The following PLA2G4C variants were observed in gnomAD, a reference collection of about 807,000 sequenced individuals.
The protein encoded by PLA2G4C is phospholipase A2 group IVC.
Under a neutral mutation model 73.8 loss-of-function variants are expected in PLA2G4C, and 64 were observed. That is an observed-to-expected ratio of 0.87 (90% CI 0.71 to 1.07). The LOEUF is 1.07. Among genes scored for constraint, PLA2G4C ranks in the 50% least tolerant of loss-of-function variants. PLA2G4C has a pLI of 0.00. For synonymous variants in PLA2G4C, 254 were observed against 252.1 expected (o/e 1.01, Z -0.07); for missense variants, 622 against 665.4 (o/e 0.93, Z 0.72).
intron 13 of PLA2G4C, among the ~76,000 whole-genome samples, chr19:48,062,635 A>G (rs563186526): frequency 1.3e-4 from 20 of 151,986 alleles, no homozygotes; most frequent in Non-Finnish European, 2.6e-4. Flanking sequence ...TAAACAGACA[A>G]ACACATGTTG....
At chr19:48,085,211 G>T in intron 9 of PLA2G4C, 99 bp from the exon 10 acceptor site, 1 of 803,262 alleles carries the variant, frequency 1.2e-6, no homozygotes, top group Non-Finnish European at 2.2e-6. Context: ...GCACTGCAGG[G>T]ATCTGCAGCA....
intron 14 of PLA2G4C, among the ~76,000 whole-genome samples, chr19:48,060,673 T>G (rs939874170): frequency 6.6e-6 from 1 of 152,154 alleles, no homozygotes; most frequent in Non-Finnish European, 1.5e-5. Flanking sequence ...TCCCAAGACC[T>G]TGATATCTCA....
At chr19:48,057,923 G>A (rs1968019048) in intron 14 of PLA2G4C, among the ~76,000 whole-genome samples, 1 of 151,814 alleles carries the variant, frequency 6.6e-6, no homozygotes, top group African/African-American at 2.4e-5. Flanking sequence ...GCAGCCTCAA[G>A]CTCCTAGACT....
At chr19:48,071,287 C>A (rs1963390) in intron 12 of PLA2G4C, among the ~76,000 whole-genome samples, 69,184 of 140,710 alleles carry the variant, frequency 0.49, 15,923 homozygotes, top group East Asian at 0.55. Context: ...CCTGAGGACT[C>A]CATACTTCTT....
At chr19:48,107,246 A>G (rs1210301092) in intron 1 of PLA2G4C, among the ~76,000 whole-genome samples, 1 of 152,218 alleles carries the variant, frequency 6.6e-6, no homozygotes, top group African/African-American at 2.4e-5. Flanking sequence ...CTATCTTTGT[A>G]TAGCTGAGTC....
At chr19:48,102,737 T>C (rs55803324) in intron 4 of PLA2G4C, among the ~76,000 whole-genome samples, 2,156 of 152,290 alleles carry the variant, frequency 0.014, 55 homozygotes, top group African/African-American at 0.048. Flanking sequence ...TGCTCTCATT[T>C]TCCTGCCTGT....
Position 48,085,115 on chromosome 19 carries a change from G to T in PLA2G4C, c.791-3C>A, listed in dbSNP as rs745796608. The T allele has an allele frequency of 6.2e-7, 1 of 1,606,184 alleles. No homozygotes were observed. The highest frequency in any genetic ancestry group is 1.1e-5 in the South Asian group (1 of 90,888). On this transcript the variant is annotated splice_polypyrimidine_tract_variant and splice_region_variant and intron_variant, in intron 9 of 16. Transcript: ENST00000599921. ...AGCAACAGCCCTTCTCCATAAACCT[G>T]CCAAGAAAATAGCAATAAAATTCAA...
At chr19:48,079,019 C>A (rs1311097281) in intron 10 of PLA2G4C, among the ~76,000 whole-genome samples, 1 of 152,118 alleles carries the variant, frequency 6.6e-6, no homozygotes, top group East Asian at 1.9e-4. Context: ...CAGGCGCATG[C>A]ACCATGCCTG....
At chr19:48,063,236 G>T (rs542894905) in intron 13 of PLA2G4C, among the ~76,000 whole-genome samples, 44 of 152,208 alleles carry the variant, frequency 2.9e-4, no homozygotes, top group South Asian at 2.3e-3. Flanking sequence ...TAGAGACAAG[G>T]TTTCCCCATC....
chr19:48,089,046 C>T (rs183582685), intron 8 of PLA2G4C, among the ~76,000 whole-genome samples: 1 of 152,276 alleles, frequency 6.6e-6, no homozygotes, highest in Admixed American at 6.5e-5. Flanking sequence ...CCATCTCACA[C>T]CTTTAGTTAG....
intron 6 of PLA2G4C, 78 bp from the exon 7 acceptor site, chr19:48,095,682 A>C: frequency 7.1e-7 from 1 of 1,401,020 alleles, no homozygotes; most frequent in Non-Finnish European, 1.0e-6. Flanking sequence ...AAAGAAATCT[A>C]TTAATGAGGA....
intron 13 of PLA2G4C, among the ~76,000 whole-genome samples, chr19:48,065,249 G>A (rs1355047059): frequency 2.0e-5 from 3 of 149,416 alleles, no homozygotes; most frequent in Non-Finnish European, 4.4e-5. Context: ...AAGTCATGGA[G>A]GGGTAGAGGT....
chr19:48,082,167 T>C (rs1456287842), intron 10 of PLA2G4C, among the ~76,000 whole-genome samples: 2 of 151,934 alleles, frequency 1.3e-5, no homozygotes, highest in Non-Finnish European at 2.9e-5. Flanking sequence ...AATTTACTAC[T>C]ACATAATTCA....
chr19:48,084,987 A>G (rs998084194), intron 10 of PLA2G4C, 72 bp downstream of exon 10: 23 of 1,089,114 alleles, frequency 2.1e-5, no homozygotes, highest in Non-Finnish European at 2.8e-5. Context: ...TGCCACATGC[A>G]GGAAAAGTAC....
At chr19:48,099,643 C>T (rs935367906) in intron 5 of PLA2G4C, 28 bp downstream of exon 5, 24 of 1,583,374 alleles carry the variant, frequency 1.5e-5, no homozygotes, top group Middle Eastern at 3.8e-4. Flanking sequence ...CTACCCCCAC[C>T]CCAGGTCCCC....
chr19:48,076,264 C>T (rs1200812278), intron 11 of PLA2G4C, among the ~76,000 whole-genome samples: 1 of 152,178 alleles, frequency 6.6e-6, no homozygotes, highest in Non-Finnish European at 1.5e-5. Context: ...GAAGGAAGAC[C>T]ATCTTTGTCA....
chr19:48,082,534 TG>T lies in PLA2G4C; in HGVS notation c.844+2524del, dbSNP rs1174788686. Among the ~76,000 whole-genome samples the T allele has an allele frequency of 2.1e-5, 3 of 143,912 alleles. No individual in the cohort carries two copies. In the East Asian group the frequency reaches 6.1e-4, roughly 29 times the overall value. The allele number at this position is 143,912 out of a possible 152,430, so 94.4% of individuals were successfully genotyped here. On this transcript the variant is annotated intron_variant, in intron 10 of 16. Coordinates refer to ENST00000599921, the MANE Select transcript of PLA2G4C (RefSeq NM_003706.3). ...TTTTTTTTGAGACACAGTCTCGATCTGTTGCCCAGCCTGGAGTATAGTGGTG... is the reference window on the plus strand; with the variant it reads ...TTTTTTTTGAGACACAGTCTCGATCTTTGCCCAGCCTGGAGTATAGTGGTG...
rs141831935 is a variant in PLA2G4C at position 48,068,327 on chromosome 19, T to TC, written c.1007-442_1007-441insG. The stretch of plus-strand genomic sequence containing the variant: ...TCAAAAAAAAAAAAAAAAAAAAAAG[T>TC]GGGGGGGTCATTCAGGATAACTGAG... On this transcript the variant is annotated intron_variant, in intron 12 of 16. Coordinates refer to ENST00000599921, the MANE Select transcript of PLA2G4C (RefSeq NM_003706.3). 6.6e-3 allele frequency among the ~76,000 whole-genome samples: 654 copies of TC among 99,394 alleles called. 8 individuals are homozygous for TC. Among genetic ancestry groups the TC allele is most frequent in the African/African-American group, 0.026 (627 of 24,384 alleles). 65.2% of individuals were successfully genotyped at this position (99,394 alleles called of 152,430 possible). A position where few individuals can be genotyped will look rare whatever the true frequency, so the allele number is the denominator to read the frequency against.
chr19:48,055,065 TA>T lies in PLA2G4C; in HGVS notation c.1258-17del. ...CCCGGATGGTCTGAGAAGGAGGCAATAAGAAATGGTTGCAAGACCTCTCCAG... is the reference window on the plus strand; with the variant it reads ...CCCGGATGGTCTGAGAAGGAGGCAATAGAAATGGTTGCAAGACCTCTCCAG... On this transcript the variant is annotated splice_polypyrimidine_tract_variant and intron_variant, in intron 14 of 16. Transcript: ENST00000599921. 1 of 1,581,924 alleles carries T rather than the reference TA, an allele frequency of 6.3e-7. No individual in the cohort carries two copies. Among genetic ancestry groups the T allele is most frequent in the Non-Finnish European group, 8.6e-7 (1 of 1,165,600 alleles).
Sources: gnomAD v4.1 joint callset for allele counts (sites outside exome capture counted in the v4.1 genomes callset) on GRCh38, gnomAD v4.1.1 for gene constraint, MANE v1.5 for transcripts, NCBI Gene and HGNC (gene_info 2026-07-23, HGNC 2026-07-21) for gene names.